The following EEA1 variants were observed in gnomAD, a reference collection of about 807,000 sequenced individuals.
EEA1 encodes early endosome antigen 1, 162kD.
Under a neutral mutation model 209.2 loss-of-function variants are expected in EEA1, and 111 were observed. That is an observed-to-expected ratio of 0.53 (90% confidence interval 0.45 to 0.62). EEA1 has a LOEUF of 0.62. Among genes scored for constraint, EEA1 ranks in the 20% least tolerant of loss-of-function variants. The pLI is 0.00. For missense variants in EEA1, 1,343 were observed against 1,530.8 expected (o/e 0.88, Z 2.05); for synonymous variants, 536 against 540.6 (o/e 0.99, Z 0.12).
intron 10 of EEA1, among the ~76,000 whole-genome samples, chr12:92,837,205 A>G (rs773067281): frequency 4.6e-5 from 7 of 151,754 alleles, no homozygotes; most frequent in Non-Finnish European, 8.8e-5. Context: ...TTATTATTTT[A>G]TTAATTTATG....
At chr12:92,826,344 G>A in intron 12 of EEA1, 59 bp from the exon 13 acceptor site, 1 of 1,478,466 alleles carries the variant, frequency 6.8e-7, no homozygotes, top group Non-Finnish European at 9.3e-7. Flanking sequence ...TCATTCATAA[G>A]TATCTGGCAT....
At chr12:92,816,477 T>G in intron 14 of EEA1, 77 bp from the exon 15 acceptor site, 1 of 1,377,800 alleles carries the variant, frequency 7.3e-7, no homozygotes. Context: ...TTAAGAACCA[T>G]GAGAATATTA....
intron 6 of EEA1, among the ~76,000 whole-genome samples, chr12:92,853,487 A>G (rs1244672497): frequency 6.6e-6 from 1 of 152,172 alleles, no homozygotes; most frequent in Non-Finnish European, 1.5e-5. Flanking sequence ...CTCAAAAAGG[A>G]AAACATTCTG....
At position 92,894,399 on chromosome 12, in the gene EEA1, A is replaced by T. The variant is rs950753906; in HGVS notation, c.25-2678T>A. On this transcript the variant is annotated intron_variant, in intron 1 of 28. Coordinates refer to ENST00000322349, the MANE Select transcript of EEA1 (RefSeq NM_003566.4). ...CAAAAGCTAGAAATGATTAAGCTTA[A>T]TGAGGAAGGCATGTGGAAAGCTGAA... Among the ~76,000 whole-genome samples the T allele has an allele frequency of 2.0e-5, 3 of 152,220 alleles. No homozygotes were observed. In the East Asian group the frequency reaches 5.8e-4, roughly 29 times the overall value.
At chr12:92,867,220 G>A (rs912736214) in intron 2 of EEA1, among the ~76,000 whole-genome samples, 4 of 152,064 alleles carry the variant, frequency 2.6e-5, no homozygotes, top group Non-Finnish European at 5.9e-5. Context: ...AAATACCTGC[G>A]TTTCCCTGAG....
chr12:92,893,883 A>C (rs1171215903), intron 1 of EEA1, among the ~76,000 whole-genome samples: 1 of 152,024 alleles, frequency 6.6e-6, no homozygotes, highest in African/African-American at 2.4e-5. Context: ...GATACTTTGC[A>C]CATTTATTTA....
intron 1 of EEA1, among the ~76,000 whole-genome samples, chr12:92,904,620 T>C (rs1880293871): frequency 6.6e-6 from 1 of 152,226 alleles, no homozygotes; most frequent in South Asian, 2.1e-4. Flanking sequence ...TTGTCTACTT[T>C]GGCTACATGT....
chr12:92,807,206 A>G (rs1317848266), intron 18 of EEA1, among the ~76,000 whole-genome samples: 1 of 152,092 alleles, frequency 6.6e-6, no homozygotes, highest in Non-Finnish European at 1.5e-5. Flanking sequence ...TGCCTGCCTC[A>G]GCCTCCCAAA....
intron 3 of EEA1, chr12:92,859,157 C>T: frequency 1.3e-6 from 2 of 1,562,212 alleles, no homozygotes; most frequent in Non-Finnish European, 1.8e-6. Flanking sequence ...GATCTCCACC[C>T]TAGGGTCATT....
chr12:92,830,318 C>G (rs1313163763), intron 11 of EEA1, among the ~76,000 whole-genome samples: 1 of 152,018 alleles, frequency 6.6e-6, no homozygotes, highest in East Asian at 1.9e-4. Flanking sequence ...TCCTCACCCT[C>G]CTCCCACCTT....
chr12:92,851,889 G>C (rs746983047), intron 8 of EEA1, among the ~76,000 whole-genome samples: 1 of 152,058 alleles, frequency 6.6e-6, no homozygotes, highest in African/African-American at 2.4e-5. Flanking sequence ...AAACATGCAA[G>C]AGAAGACCAG....
intron 11 of EEA1, among the ~76,000 whole-genome samples, chr12:92,830,412 G>T (rs1876573258): frequency 6.6e-6 from 1 of 151,988 alleles, no homozygotes; most frequent in African/African-American, 2.4e-5. Flanking sequence ...TTTTAAGTGA[G>T]AACATGTGGT....
intron 1 of EEA1, among the ~76,000 whole-genome samples, chr12:92,922,893 G>A (rs1052921754): frequency 6.6e-6 from 1 of 151,610 alleles, no homozygotes; most frequent in Non-Finnish European, 1.5e-5. Context: ...GGGAGGCAGA[G>A]GTTGCAGTGA....
intron 1 of EEA1, among the ~76,000 whole-genome samples, chr12:92,916,904 C>T (rs1440917776): frequency 1.3e-5 from 2 of 149,166 alleles, no homozygotes; most frequent in Non-Finnish European, 3.0e-5. Flanking sequence ...CTTAAAGGAG[C>T]TGATGGAGCT....
At chr12:92,869,923 T>C (rs1475163423) in intron 2 of EEA1, among the ~76,000 whole-genome samples, 1 of 152,086 alleles carries the variant, frequency 6.6e-6, no homozygotes, top group Non-Finnish European at 1.5e-5. Context: ...TTTTCAAGAA[T>C]CTTTTATGCC....
rs957853871 is a variant in EEA1, at chr12:92,915,431, T to G, written c.24+13612A>C. Reference sequence around the variant, plus strand: ...TTGCAGTGAGCCGTGATCATGCTACTTGCACTCTAGCCTGGACAACAGGGC... The same window carrying G: ...TTGCAGTGAGCCGTGATCATGCTACGTGCACTCTAGCCTGGACAACAGGGC... On this transcript the variant is annotated intron_variant, in intron 1 of 28. Coordinates refer to ENST00000322349, the MANE Select transcript of EEA1 (RefSeq NM_003566.4). Among the ~76,000 whole-genome samples, 7 of 152,216 alleles carry G rather than the reference T, an allele frequency of 4.6e-5. No individual in the cohort carries two copies. In the East Asian group the frequency reaches 9.6e-4, roughly 21 times the overall value.
chr12:92,895,896 C>T (rs570302855), intron 1 of EEA1, among the ~76,000 whole-genome samples: 51 of 152,168 alleles, frequency 3.4e-4, no homozygotes, highest in Non-Finnish European at 6.2e-4. Context: ...GGGTTCAAGA[C>T]TCCAGTAGAA....
chr12:92,898,765 CAG>C (rs1273947251), intron 1 of EEA1, among the ~76,000 whole-genome samples: 2 of 83,622 alleles, frequency 2.4e-5, no homozygotes, highest in Non-Finnish European at 4.2e-5. Flanking sequence ...TTTTTAGAGA[CAG>C]GGGTCTCAGA....
intron 11 of EEA1, among the ~76,000 whole-genome samples, chr12:92,828,685 G>A (rs1049339713): frequency 1.3e-5 from 2 of 150,806 alleles, no homozygotes; most frequent in South Asian, 2.1e-4. Flanking sequence ...TAAAACTAAG[G>A]GAGTTAAGAA....
Sources: allele counts gnomAD v4.1 joint callset (sites outside exome capture counted in the v4.1 genomes callset), GRCh38; gene constraint gnomAD v4.1.1; transcripts MANE v1.5; gene names NCBI Gene and HGNC (gene_info 2026-07-23, HGNC 2026-07-21).